DLGAP2: variants seen among roughly 807,000 people sequenced by gnomAD.
DLGAP2 encodes the protein DLG associated protein 2.
In DLGAP2, 26 loss-of-function variants were observed where a neutral mutation model predicts 100.3. That is an observed-to-expected ratio of 0.26 (90% CI 0.19 to 0.36). The LOEUF (loss-of-function observed/expected upper bound fraction) is 0.36. Among genes scored for constraint, DLGAP2 ranks in the 10% least tolerant of loss-of-function variants. The probability of loss-of-function intolerance (pLI) is 1.00; values close to 1 mark genes in which losing one functional copy is unlikely to be tolerated. For synonymous variants in DLGAP2, 886 were observed against 630.1 expected, an observed-to-expected ratio of 1.41 and a Z score of -6.08; for missense variants, 1,858 against 1,453.2, an observed-to-expected ratio of 1.28 and a Z score of -4.53.
intron 12 of DLGAP2, among the ~76,000 whole-genome samples, chr8:1,682,678 T>G (rs1053018939): frequency 2.0e-5 from 3 of 151,618 alleles, no homozygotes; most frequent in Non-Finnish European, 3.0e-5. Flanking sequence ...TTCACCATGT[T>G]GGCCAGGATA....
intron 2 of DLGAP2, among the ~76,000 whole-genome samples, chr8:917,044 G>C (rs1798608230): frequency 6.6e-6 from 1 of 152,220 alleles, no homozygotes; most frequent in Non-Finnish European, 1.5e-5. Context: ...CAGGAAGCTT[G>C]TGGAGCCACT....
At chr8:1,203,728 A>G (rs1350842068) in intron 2 of DLGAP2, among the ~76,000 whole-genome samples, 1 of 152,150 alleles carries the variant, frequency 6.6e-6, no homozygotes, top group Non-Finnish European at 1.5e-5. Context: ...CACACAAATG[A>G]TTTCTCCACT....
chr8:1,377,395 T>A lies in DLGAP2; in HGVS notation c.106+118512T>A, dbSNP rs150733106. Among the ~76,000 whole-genome samples the A allele has an allele frequency of 3.5e-3, 533 of 152,232 alleles. 1 individual carries two copies. The highest frequency in any genetic ancestry group is 0.013 in the African/African-American group (520 of 41,532). On this transcript the variant is annotated intron_variant, in intron 3 of 14. Transcript: ENST00000637795. ...CCGTCTCTACAGAAAATACAAAAAA[T>A]TAGCCAGGCGAGGTGGCAGGCGCCT...
intron 1 of DLGAP2, among the ~76,000 whole-genome samples, chr8:802,867 C>T (rs1336673718): frequency 1.3e-5 from 2 of 152,174 alleles, no homozygotes; most frequent in Non-Finnish European, 2.9e-5. Context: ...CAGCAGTGAG[C>T]AGACTCCGAG....
chr8:999,507 G>T (rs1800881286), intron 2 of DLGAP2, among the ~76,000 whole-genome samples: 2 of 148,058 alleles, frequency 1.4e-5, no homozygotes, highest in African/African-American at 2.5e-5. Flanking sequence ...CCGATGGAGT[G>T]TCGGTCTGCC....
chr8:1,284,041 A>G (rs1799873739), intron 3 of DLGAP2, among the ~76,000 whole-genome samples: 1 of 152,180 alleles, frequency 6.6e-6, no homozygotes, highest in Non-Finnish European at 1.5e-5. Flanking sequence ...TTCTATGACA[A>G]GTATGTGGCC....
chr8:819,854 G>A (rs780521989), intron 1 of DLGAP2, among the ~76,000 whole-genome samples: 1 of 152,208 alleles, frequency 6.6e-6, no homozygotes, highest in Non-Finnish European at 1.5e-5. Flanking sequence ...CTTCATGGAA[G>A]TGGTGACTGT....
At chr8:894,796 A>G (rs1402725482) in intron 1 of DLGAP2, among the ~76,000 whole-genome samples, 1 of 42,112 alleles carries the variant, frequency 2.4e-5, no homozygotes. Flanking sequence ...CGGGGTGGGG[A>G]CAGCAGAGTG....
At chr8:879,546 C>G (rs1268941394) in intron 1 of DLGAP2, among the ~76,000 whole-genome samples, 2 of 152,174 alleles carry the variant, frequency 1.3e-5, no homozygotes, top group South Asian at 2.1e-4. Context: ...ACGATCTAGT[C>G]TTTGAACATC....
chr8:939,916 G>A (rs1179737885), intron 2 of DLGAP2, among the ~76,000 whole-genome samples: 2 of 151,962 alleles, frequency 1.3e-5, no homozygotes, highest in Non-Finnish European at 2.9e-5. Flanking sequence ...GGTCCCATGA[G>A]GGGATGGCTG....
At chr8:1,688,602 C>A (rs562100351) in intron 12 of DLGAP2, among the ~76,000 whole-genome samples, 2 of 152,200 alleles carry the variant, frequency 1.3e-5, no homozygotes, top group East Asian at 3.9e-4. Context: ...GGGGAGGGAG[C>A]TGTGGGTTAT....
chr8:806,102 G>A (rs998945025), intron 1 of DLGAP2, among the ~76,000 whole-genome samples: 3 of 152,228 alleles, frequency 2.0e-5, no homozygotes, highest in Non-Finnish European at 4.4e-5. Context: ...TCAGTTATCA[G>A]CTTAAGACTC....
At chr8:1,615,328 A>C (rs1797114896) in intron 6 of DLGAP2, among the ~76,000 whole-genome samples, 1 of 152,166 alleles carries the variant, frequency 6.6e-6, no homozygotes, top group South Asian at 2.1e-4. Flanking sequence ...GGCCACAACC[A>C]AAATTAGCAC....
chr8:1,276,652 T>A (rs1563056896), intron 3 of DLGAP2, among the ~76,000 whole-genome samples: 2 of 150,758 alleles, frequency 1.3e-5, no homozygotes, highest in Admixed American at 1.4e-4. Flanking sequence ...CCAGCACACG[T>A]CCCCAGACTC....
At chr8:869,842 C>T (rs370661367) in intron 1 of DLGAP2, among the ~76,000 whole-genome samples, 55 of 151,982 alleles carry the variant, frequency 3.6e-4, no homozygotes, top group Middle Eastern at 3.4e-3. Context: ...CAGCGGGACA[C>T]GTTCTGAACA....
intron 1 of DLGAP2, among the ~76,000 whole-genome samples, chr8:790,334 G>A (rs1821993472): frequency 1.3e-5 from 2 of 152,194 alleles, no homozygotes; most frequent in Non-Finnish European, 2.9e-5. Flanking sequence ...TGTAAGAGAT[G>A]CTTGGAGATG....
At position 1,550,340 on chromosome 8, in the gene DLGAP2, GCT is replaced by G. The variant is rs1371492681; in HGVS notation, c.1230+661_1230+662del. Among the ~76,000 whole-genome samples, 5 of 152,322 alleles carry G rather than the reference GCT, an allele frequency of 3.3e-5. No individual in the cohort carries two copies. In the South Asian group the frequency reaches 1.0e-3, roughly 32 times the overall value. On this transcript the variant is annotated intron_variant, in intron 5 of 14. Coordinates refer to ENST00000637795, the MANE Select transcript of DLGAP2 (RefSeq NM_001346810.2). ...GATGGCGGGACGTTATCTACGGGCA[GCT>G]CTCATGCGTGAGTCTGGCCTGCTCT...
At chr8:1,377,346 C>T (rs1795975378) in intron 3 of DLGAP2, among the ~76,000 whole-genome samples, 1 of 152,298 alleles carries the variant, frequency 6.6e-6, no homozygotes, top group African/African-American at 2.4e-5. Flanking sequence ...AGATCGAGAC[C>T]ATCCTGGGTA....
chr8:1,338,628 C>T lies in DLGAP2; in HGVS notation c.106+79745C>T, dbSNP rs182077501. ...AACCTTGAAAGAGTAAATTTTATAT[C>T]TTAATTATGTCTTTATTTTAAAAAT... On this transcript the variant is annotated intron_variant, in intron 3 of 14. Transcript: ENST00000637795. Among the ~76,000 whole-genome samples, 100 of 152,278 alleles carry T rather than the reference C, an allele frequency of 6.6e-4. 1 individual carries two copies. In the East Asian group the frequency reaches 0.019, roughly 29 times the overall value.
Sources: gnomAD v4.1 joint callset for allele counts (sites outside exome capture counted in the v4.1 genomes callset) on GRCh38, gnomAD v4.1.1 for gene constraint, MANE v1.5 for transcripts, NCBI Gene and HGNC (gene_info 2026-07-23, HGNC 2026-07-21) for gene names.